The following ENOX1 variants were observed in gnomAD, a reference collection of about 807,000 sequenced individuals.
ENOX1 encodes the protein candidate growth-related and time keeping constitutive hydroquinone (NADH) oxidase.
Under a neutral mutation model 82.5 loss-of-function variants are expected in ENOX1, and 42 were observed. That is an observed-to-expected ratio of 0.51 (90% CI 0.40 to 0.66). The LOEUF is 0.66. ENOX1 is among the 30% of genes least tolerant of loss of function. The pLI, the probability that ENOX1 is intolerant of heterozygous loss-of-function variation, is 0.00. For synonymous variants in ENOX1, 271 were observed against 282.2 expected (o/e 0.96, Z 0.40); for missense variants, 608 against 811.6 (o/e 0.75, Z 3.05).
intron 1 of ENOX1, among the ~76,000 whole-genome samples, chr13:43,680,688 C>T (rs299360): frequency 0.99 from 151,313 of 152,286 alleles, 75,178 homozygotes; most frequent in Non-Finnish European, 1. Flanking sequence ...GAGGATTAAA[C>T]GGAGAATTAC....
Position 43,316,589 on chromosome 13 carries a change from T to C in ENOX1, c.1261+5795A>G, listed in dbSNP as rs142714441. Reference sequence around the variant, plus strand: ...TCTTCTGCTACAGGATCAATTTAAATAGCATCTGTTTTCCTGCATTTAAAA... The same window carrying C: ...TCTTCTGCTACAGGATCAATTTAAACAGCATCTGTTTTCCTGCATTTAAAA... On this transcript the variant is annotated intron_variant, in intron 11 of 16. Transcript: ENST00000690772. Among the ~76,000 whole-genome samples, 3 of 151,024 alleles carry C rather than the reference T, an allele frequency of 2.0e-5. No individual in the cohort carries two copies. The East Asian group carries it at 5.9e-4, about 30-fold the overall frequency.
At chr13:43,739,391 C>T (rs764909691) in intron 1 of ENOX1, among the ~76,000 whole-genome samples, 1 of 151,760 alleles carries the variant, frequency 6.6e-6, no homozygotes, top group Non-Finnish European at 1.5e-5. Context: ...CTACTAAAAA[C>T]GCAAAGAACT....
intron 2 of ENOX1, among the ~76,000 whole-genome samples, chr13:43,553,021 G>A (rs558123232): frequency 2.6e-5 from 4 of 151,984 alleles, no homozygotes; most frequent in Middle Eastern, 3.2e-3. Flanking sequence ...GGTAATTTTG[G>A]AACCTGGGAT....
chr13:43,658,094 G>T (rs936794153), intron 2 of ENOX1, among the ~76,000 whole-genome samples: 1 of 152,176 alleles, frequency 6.6e-6, no homozygotes, highest in East Asian at 1.9e-4. Flanking sequence ...TATTGATCAA[G>T]AATTGTGTTC....
At chr13:43,687,580 C>A (rs1024143547) in intron 1 of ENOX1, among the ~76,000 whole-genome samples, 1 of 152,120 alleles carries the variant, frequency 6.6e-6, no homozygotes, top group African/African-American at 2.4e-5. Context: ...AAAATCCTTA[C>A]TCTAAGAAGG....
At chr13:43,640,615 T>C (rs1441708680) in intron 2 of ENOX1, among the ~76,000 whole-genome samples, 2 of 152,188 alleles carry the variant, frequency 1.3e-5, no homozygotes, top group Non-Finnish European at 2.9e-5. Flanking sequence ...AATTTTGTTA[T>C]ATAATCCTTT....
At chr13:43,449,931 G>A (rs755250653) in intron 3 of ENOX1, among the ~76,000 whole-genome samples, 16 of 152,150 alleles carry the variant, frequency 1.1e-4, no homozygotes, top group Non-Finnish European at 1.8e-4. Flanking sequence ...TGAAAGGATG[G>A]AACGGCAGGT....
chr13:43,336,835 T>C (rs866839046), intron 9 of ENOX1, among the ~76,000 whole-genome samples: 4 of 152,184 alleles, frequency 2.6e-5, no homozygotes, highest in African/African-American at 9.6e-5. Flanking sequence ...TAAAAGACTT[T>C]CCCAAAGTCA....
intron 2 of ENOX1, among the ~76,000 whole-genome samples, chr13:43,552,532 T>G (rs1455791793): frequency 6.6e-6 from 1 of 152,062 alleles, no homozygotes; most frequent in Non-Finnish European, 1.5e-5. Flanking sequence ...TCCTCCCTTT[T>G]TATTTCTCTG....
chr13:43,264,054 A>G (rs1426861037), intron 14 of ENOX1, among the ~76,000 whole-genome samples: 2 of 152,248 alleles, frequency 1.3e-5, no homozygotes, highest in East Asian at 1.9e-4. Context: ...CCCAAGTCCC[A>G]CAGATCCAGG....
At chr13:43,770,493 T>C (rs372330254) in intron 1 of ENOX1, among the ~76,000 whole-genome samples, 2 of 152,292 alleles carry the variant, frequency 1.3e-5, no homozygotes, top group South Asian at 2.1e-4. Context: ...TTTATGCTAG[T>C]TTGCCCTGGG....
At chr13:43,289,568 T>G (rs773042249) in intron 12 of ENOX1, among the ~76,000 whole-genome samples, 3 of 152,096 alleles carry the variant, frequency 2.0e-5, no homozygotes, top group Admixed American at 6.6e-5. Flanking sequence ...CTACAAAAAT[T>G]ATTAACTCAA....
Position 43,470,307 on chromosome 13 carries a change from C to CACATATATATGT in ENOX1, c.-75+13701_-75+13702insACATATATATGT, listed in dbSNP as rs1566306008. ...ACATATATATATACACATATATATA[C>CACATATATATGT]ATATATATACACATATATATATGTA... is the stretch of plus-strand genomic sequence containing the variant. On this transcript the variant is annotated intron_variant, in intron 3 of 16. Coordinates refer to ENST00000690772, the MANE Select transcript of ENOX1 (RefSeq NM_001347969.2). Among the ~76,000 whole-genome samples the CACATATATATGT allele has an allele frequency of 1.4e-3, 58 of 42,486 alleles. 1 individual carries two copies. The highest frequency in any genetic ancestry group is 3.1e-3 in the Non-Finnish European group (50 of 16,140). 27.9% of individuals were successfully genotyped at this position (42,486 alleles called of 152,430 possible).
intron 1 of ENOX1, among the ~76,000 whole-genome samples, chr13:43,735,660 G>A (rs1024301382): frequency 3.9e-5 from 6 of 152,106 alleles, no homozygotes; most frequent in African/African-American, 9.7e-5. Context: ...GGTGGAGATT[G>A]CAGTGAGCTG....
At chr13:43,542,701 G>A (rs1228078667) in intron 2 of ENOX1, among the ~76,000 whole-genome samples, 1 of 152,166 alleles carries the variant, frequency 6.6e-6, no homozygotes, top group Non-Finnish European at 1.5e-5. Context: ...CTCCCAAAGT[G>A]ATGGGATTAC....
chr13:43,447,016 T>C (rs959030271), intron 3 of ENOX1, among the ~76,000 whole-genome samples: 7 of 152,182 alleles, frequency 4.6e-5, no homozygotes, highest in Admixed American at 1.3e-4. Context: ...TAGAGGGCCA[T>C]GAGAACATAG....
intron 1 of ENOX1, among the ~76,000 whole-genome samples, chr13:43,757,511 A>G (rs1427130746): frequency 6.6e-6 from 1 of 152,196 alleles, no homozygotes; most frequent in African/African-American, 2.4e-5. Context: ...CATGTGAGTG[A>G]GGACACCCTC....
intron 1 of ENOX1, among the ~76,000 whole-genome samples, chr13:43,681,694 C>CAA (rs2085794223): frequency 7.2e-6 from 1 of 139,220 alleles, no homozygotes; most frequent in Admixed American, 7.1e-5. Context: ...TAAACACACA[C>CAA]ACACACACAC....
At chr13:43,423,255 T>C (rs2055081812) in intron 3 of ENOX1, among the ~76,000 whole-genome samples, 1 of 152,154 alleles carries the variant, frequency 6.6e-6, no homozygotes, top group African/African-American at 2.4e-5. Context: ...TCATATGTTG[T>C]TGTTTTCTAC....
Sources: allele counts gnomAD v4.1 joint callset (sites outside exome capture counted in the v4.1 genomes callset), GRCh38; gene constraint gnomAD v4.1.1; transcripts MANE v1.5; gene names NCBI Gene and HGNC (gene_info 2026-07-23, HGNC 2026-07-21).